The following SNX29 variants were observed in gnomAD, a reference collection of about 807,000 sequenced individuals.
The protein encoded by SNX29 is sorting nexin 29.
SNX29 carries 78 observed loss-of-function variants against 102.1 expected under a neutral mutation model. The ratio of observed to expected loss-of-function variants is 0.76; its 90% CI spans 0.64 to 0.92. The LOEUF is 0.92. Ranked by LOEUF, SNX29 falls within the 40% of genes least tolerant of loss-of-function variation. The pLI is 0.00. For missense variants in SNX29, 1,280 were observed against 1,061.7 expected, an observed-to-expected ratio of 1.21 and a Z score of -2.86; for synonymous variants, 580 against 414.5, an observed-to-expected ratio of 1.40 and a Z score of -4.85.
intron 18 of SNX29, among the ~76,000 whole-genome samples, chr16:12,456,110 C>T (rs898221743): frequency 5.9e-5 from 9 of 152,194 alleles, no homozygotes; most frequent in South Asian, 2.1e-4. Flanking sequence ...CCATTATTTC[C>T]AGGCACTGGT....
intron 19 of SNX29, among the ~76,000 whole-genome samples, chr16:12,520,539 G>T (rs895466793): frequency 5.9e-5 from 9 of 152,156 alleles, no homozygotes; most frequent in African/African-American, 2.2e-4. Context: ...TCTGAGAAAC[G>T]AGCATGAGTG....
chr16:12,067,105 A>C (rs1037120777), intron 9 of SNX29, among the ~76,000 whole-genome samples: 2 of 151,982 alleles, frequency 1.3e-5, no homozygotes, highest in African/African-American at 4.8e-5. Flanking sequence ...GGCTCTCTTG[A>C]GTCCAGGAGT....
At chr16:12,067,866 A>G (rs2051106969) in intron 9 of SNX29, among the ~76,000 whole-genome samples, 1 of 152,102 alleles carries the variant, frequency 6.6e-6, no homozygotes, top group Non-Finnish European at 1.5e-5. Flanking sequence ...AGGCTTATGG[A>G]TTTGCATGTT....
chr16:12,571,790 C>G lies in SNX29; in HGVS notation c.*3161C>G, dbSNP rs1394155861. 1 of 1,013,374 alleles carries G rather than the reference C, an allele frequency of 9.9e-7. No homozygotes were observed. Among genetic ancestry groups the G allele is most frequent in the Non-Finnish European group, 1.2e-6 (1 of 833,212 alleles). 62.8% of individuals were successfully genotyped at this position (1,013,374 alleles called of 1,614,324 possible). On this transcript the variant is annotated 3_prime_UTR_variant, in exon 21 of 21. Transcript: ENST00000566228. Reference sequence around the variant, plus strand: ...AGACAGAACCTTCTCCGCCACTCTTCCTGCAATCAGTGTGAAATTCCAGCT... The same window carrying G: ...AGACAGAACCTTCTCCGCCACTCTTGCTGCAATCAGTGTGAAATTCCAGCT...
At chr16:12,177,004 G>C (rs928906510) in intron 13 of SNX29, among the ~76,000 whole-genome samples, 1 of 152,062 alleles carries the variant, frequency 6.6e-6, no homozygotes, top group South Asian at 2.1e-4. Flanking sequence ...CTGGAGTGTA[G>C]TGGCTCAATC....
rs778790241 is a variant in SNX29, at chr16:12,048,575, C to A, written c.703C>A (p.Gln235Lys). ...SAVSILIKPE[Q>K]ETDPLPVVSR... is the part of the protein sequence containing the mutation. The stretch of plus-strand genomic sequence containing the variant: ...CGTCTCCATCCTCATCAAACCTGAA[C>A]AGGAGACCGACCCCTTGCCTGTCGT... Residue 235 changes from glutamine to lysine, a missense_variant, in exon 7 of 21, where the codon CAG becomes AAG. By Grantham distance (53) the Gln-to-Lys change is moderately conservative (BLOSUM62 1). Coordinates refer to ENST00000566228, the MANE Select transcript of SNX29 (RefSeq NM_032167.5). 1.9e-6 allele frequency: 3 copies of A among 1,613,954 alleles called. No individual in the cohort carries two copies. Among genetic ancestry groups the A allele is most frequent in the Non-Finnish European group, 1.7e-6 (2 of 1,179,872 alleles).
At chr16:12,182,174 A>C (rs1177506469) in intron 13 of SNX29, among the ~76,000 whole-genome samples, 2 of 143,988 alleles carry the variant, frequency 1.4e-5, no homozygotes, top group African/African-American at 5.1e-5. Context: ...GGCATGAGCC[A>C]CTGTGCCCGG....
intron 20 of SNX29, among the ~76,000 whole-genome samples, chr16:12,532,581 C>G (rs1312404420): frequency 6.6e-6 from 1 of 152,204 alleles, no homozygotes; most frequent in East Asian, 1.9e-4. Context: ...ACTTCACCAT[C>G]TGAAATCCCA....
chr16:12,327,046 C>A (rs1040257110), intron 15 of SNX29, among the ~76,000 whole-genome samples: 1 of 152,120 alleles, frequency 6.6e-6, no homozygotes, highest in Non-Finnish European at 1.5e-5. Context: ...CTGTGAGAAT[C>A]GGAGGTGTCA....
intron 1 of SNX29, among the ~76,000 whole-genome samples, chr16:11,988,610 G>A (rs2055724229): frequency 6.6e-6 from 1 of 152,146 alleles, no homozygotes; most frequent in African/African-American, 2.4e-5. Flanking sequence ...GTATTGCCCA[G>A]GCTGGTCTCA....
Position 12,572,932 on chromosome 16 carries a change from G to C in SNX29, c.*4303G>C, listed in dbSNP as rs1205805253. The C allele has an allele frequency of 2.3e-6, 2 of 861,966 alleles. No individual in the cohort carries two copies. The highest frequency in any genetic ancestry group is 2.9e-6 in the Non-Finnish European group (2 of 694,638). 53.4% of individuals were successfully genotyped at this position (861,966 alleles called of 1,614,324 possible). A position where few individuals can be genotyped will look rare whatever the true frequency, so the allele number is the denominator to read the frequency against. ...CGGCAGACTTGGAGTGTTTCTTCAA[G>C]GCAGGCATCTGCTTATGAGCAAGGT... is the stretch of plus-strand genomic sequence containing the variant. On this transcript the variant is annotated 3_prime_UTR_variant, in exon 21 of 21. Transcript: ENST00000566228.
intron 19 of SNX29, among the ~76,000 whole-genome samples, chr16:12,501,134 A>G (rs1489923884): frequency 1.3e-5 from 2 of 152,130 alleles, no homozygotes; most frequent in Non-Finnish European, 2.9e-5. Flanking sequence ...AATTGTGTTC[A>G]ACTATAACCC....
chr16:12,471,196 T>G (rs2087323084), intron 18 of SNX29, among the ~76,000 whole-genome samples: 1 of 152,218 alleles, frequency 6.6e-6, no homozygotes, highest in Admixed American at 6.5e-5. Context: ...TCTTCATTCT[T>G]TCTGTCTGTC....
At chr16:11,976,853 C>CCCGGCTCCCGCCGCT in intron 1 of SNX29, 40 bp downstream of exon 1, 1 of 1,338,660 alleles carries the variant, frequency 7.5e-7, no homozygotes, top group African/African-American at 1.5e-5. Flanking sequence ...CCCCGGCCGC[C>CCCGGCTCCCGCCGCT]CCGGCTCCCG....
chr16:12,523,920 C>G (rs891899178), intron 19 of SNX29, among the ~76,000 whole-genome samples: 33 of 152,112 alleles, frequency 2.2e-4, no homozygotes, highest in African/African-American at 6.8e-4. Context: ...GAGTTTCGCT[C>G]TTGTTGCCCG....
rs773253386 is a variant in SNX29 at position 12,572,166 on chromosome 16, C to A, written c.*3537C>A. The A allele has an allele frequency of 8.2e-6, 8 of 981,422 alleles. No homozygotes were observed. Among genetic ancestry groups the A allele is most frequent in the Non-Finnish European group, 1.0e-5 (8 of 803,660 alleles). 60.8% of individuals were successfully genotyped at this position (981,422 alleles called of 1,614,324 possible). A position where few individuals can be genotyped will look rare whatever the true frequency, so the allele number is the denominator to read the frequency against. On this transcript the variant is annotated 3_prime_UTR_variant, in exon 21 of 21. Coordinates refer to ENST00000566228, the MANE Select transcript of SNX29 (RefSeq NM_032167.5). ...AGCTTATTAAGATCAATTTTGATAA[C>A]CATGTAATTTCTTAGAACCATGGCA...
At chr16:12,159,001 T>G (rs2055670668) in intron 13 of SNX29, among the ~76,000 whole-genome samples, 1 of 152,234 alleles carries the variant, frequency 6.6e-6, no homozygotes, top group South Asian at 2.1e-4. Flanking sequence ...GTAACACACC[T>G]GCCTGTTAGT....
chr16:12,550,669 G>T (rs541119937), intron 20 of SNX29, among the ~76,000 whole-genome samples: 2 of 152,276 alleles, frequency 1.3e-5, no homozygotes, highest in South Asian at 4.1e-4. Context: ...GGACCAAGGT[G>T]GGAAGACTCA....
chr16:12,570,619 G>A lies in SNX29; in HGVS notation c.*1990G>A, dbSNP rs1214721825. On this transcript the variant is annotated 3_prime_UTR_variant, in exon 21 of 21. Transcript: ENST00000566228. ...CCTGGAGGTCATCTCCCTGTTCTCT[G>A]TTGGATAAAGGAACCTCCCCCATCT... 4.3e-6 allele frequency: 1 copy of A among 231,996 alleles called. No homozygotes were observed. The highest frequency in any genetic ancestry group is 8.5e-6 in the Non-Finnish European group (1 of 117,392). 14.4% of individuals were successfully genotyped at this position (231,996 alleles called of 1,614,324 possible).
Sources: allele counts gnomAD v4.1 joint callset (sites outside exome capture counted in the v4.1 genomes callset), GRCh38; gene constraint gnomAD v4.1.1; transcripts MANE v1.5; gene names NCBI Gene and HGNC (gene_info 2026-07-23, HGNC 2026-07-21).